The following SATB1 variants were observed in gnomAD, a reference collection of about 807,000 sequenced individuals.
The protein encoded by SATB1 is DNA-binding protein SATB1.
A neutral mutation model predicts 86.9 loss-of-function variants in SATB1; 11 were observed. That is an observed-to-expected ratio of 0.13 (90% CI 0.08 to 0.21). The LOEUF is 0.21. Ranked by LOEUF, SATB1 falls within the 10% of genes least tolerant of loss-of-function variation. The probability of loss-of-function intolerance (pLI) is 1.00; values close to 1 mark genes in which losing one functional copy is unlikely to be tolerated. For missense variants in SATB1, 551 were observed against 937.6 expected, an observed-to-expected ratio of 0.59 and a Z score of 5.39; for synonymous variants, 357 against 357.2, an observed-to-expected ratio of 1.00 and a Z score of 0.01.
upstream of SATB1, among the ~76,000 whole-genome samples, chr3:18,439,589 T>C (rs1401268609): frequency 6.6e-6 from 1 of 152,298 alleles, no homozygotes; most frequent in Non-Finnish European, 1.5e-5. Context: ...TAAATTACTA[T>C]AGTAGACACT....
At chr3:18,383,828 C>T (rs1002270905) in intron 8 of SATB1, among the ~76,000 whole-genome samples, 5 of 151,988 alleles carry the variant, frequency 3.3e-5, no homozygotes, top group Admixed American at 1.3e-4. Context: ...ACCTTTAATA[C>T]CTTAAGATTT....
At chr3:18,391,340 A>G (rs1219055875) in intron 7 of SATB1, among the ~76,000 whole-genome samples, 2 of 151,926 alleles carry the variant, frequency 1.3e-5, no homozygotes, top group African/African-American at 2.4e-5. Flanking sequence ...ATCTGACCCT[A>G]TCATGTAACT....
chr3:18,445,587 T>G (rs1382459509), exon 1 of SATB1: 1 of 956,284 alleles, frequency 1.0e-6, no homozygotes, highest in Non-Finnish European at 1.2e-6. Context: ...TGCTTGTTGT[T>G]TGGCTGGGTT....
chr3:18,423,353 A>G (rs1298699030), intron 1 of SATB1, among the ~76,000 whole-genome samples: 1 of 152,226 alleles, frequency 6.6e-6, no homozygotes, highest in Non-Finnish European at 1.5e-5. Context: ...CTTTAAAAGG[A>G]AAGAAAATCT....
At chr3:18,351,337 T>C (rs981052163) in intron 10 of SATB1, 33 of 1,551,696 alleles carry the variant, frequency 2.1e-5, no homozygotes, top group Non-Finnish European at 2.9e-5. Flanking sequence ...CGAGCCATGG[T>C]GCAGGGGTCG....
At chr3:18,409,849 C>T (rs1336467380) in intron 5 of SATB1, among the ~76,000 whole-genome samples, 1 of 152,014 alleles carries the variant, frequency 6.6e-6, no homozygotes, top group Non-Finnish European at 1.5e-5. Context: ...TAAAATGGAG[C>T]TGCTCGTAAA....
intron 5 of SATB1, chr3:18,409,029 C>T (rs934705436): frequency 6.6e-6 from 1 of 151,848 alleles, no homozygotes; most frequent in African/African-American, 2.4e-5. Flanking sequence ...GTAATTTTCC[C>T]TGCATTAGTG....
chr3:18,441,002 C>A (rs1257161574), upstream of SATB1, among the ~76,000 whole-genome samples: 1 of 152,174 alleles, frequency 6.6e-6, no homozygotes, highest in African/African-American at 2.4e-5. Context: ...AAGCACCTGG[C>A]ACCTTTAATA....
chr3:18,395,200 G>C (rs1317712820), intron 6 of SATB1, among the ~76,000 whole-genome samples: 1 of 152,128 alleles, frequency 6.6e-6, no homozygotes, highest in Non-Finnish European at 1.5e-5. Context: ...TTTCCAACTA[G>C]TTGTTCACTC....
chr3:18,440,745 C>T (rs1039660455), upstream of SATB1, among the ~76,000 whole-genome samples: 3 of 152,136 alleles, frequency 2.0e-5, no homozygotes, highest in Non-Finnish European at 2.9e-5. Flanking sequence ...TAACTTAACT[C>T]TGTTCTGTCA....
chr3:18,357,574 G>A (rs148618241), intron 9 of SATB1, among the ~76,000 whole-genome samples: 57 of 135,270 alleles, frequency 4.2e-4, no homozygotes, highest in African/African-American at 1.5e-3. Context: ...AAATAAAGCT[G>A]TCGGCACTCA....
chr3:18,391,278 T>C (rs930579022), intron 7 of SATB1, among the ~76,000 whole-genome samples: 2 of 152,176 alleles, frequency 1.3e-5, no homozygotes, highest in East Asian at 1.9e-4. Context: ...TTCATACAAG[T>C]GTTTTCTATC....
chr3:18,444,418 G>A lies in SATB1; in HGVS notation c.-25+1100C>T, dbSNP rs957147813. The stretch of plus-strand genomic sequence containing the variant: ...CTACCAGCCCACCCCTCCAAGGTCC[G>A]TCTGCGTGAGAAAAGGGGCTCGGAA... On this transcript the variant is annotated intron_variant, in intron 1 of 3. Transcript: ENST00000415069. The surrounding 1 kb of genome is among the most constrained non-coding windows in gnomAD (Gnocchi z 5.1). Among the ~76,000 whole-genome samples, 1 of 152,064 alleles carries A rather than the reference G, an allele frequency of 6.6e-6. No homozygotes were observed. Among genetic ancestry groups the A allele is most frequent in the Non-Finnish European group, 1.5e-5 (1 of 68,014 alleles).
At chr3:18,415,921 A>G in intron 4 of SATB1, 86 bp downstream of exon 4, 1 of 1,328,004 alleles carries the variant, frequency 7.5e-7, no homozygotes, top group Non-Finnish European at 1.0e-6. Flanking sequence ...CTAAAAAAAA[A>G]TTGAAGGTCG....
At chr3:18,390,024 G>C (rs1696568012) in intron 7 of SATB1, among the ~76,000 whole-genome samples, 1 of 151,934 alleles carries the variant, frequency 6.6e-6, no homozygotes, top group Non-Finnish European at 1.5e-5. Context: ...TCCTAAACCT[G>C]TTTTTACATT....
At chr3:18,370,383 C>G (rs1179369036) in intron 9 of SATB1, among the ~76,000 whole-genome samples, 1 of 151,862 alleles carries the variant, frequency 6.6e-6, no homozygotes. Context: ...TTAAATCAGA[C>G]TGCTTTATCA....
chr3:18,441,446 A>G (rs1455335559), upstream of SATB1, among the ~76,000 whole-genome samples: 2 of 152,186 alleles, frequency 1.3e-5, no homozygotes, highest in African/African-American at 4.8e-5. Context: ...GCATTCAACT[A>G]CATCATGTCT....
At chr3:18,393,450 T>C (rs1291668931) in intron 7 of SATB1, among the ~76,000 whole-genome samples, 1 of 152,196 alleles carries the variant, frequency 6.6e-6, no homozygotes, top group Non-Finnish European at 1.5e-5. Flanking sequence ...TCATTCACAG[T>C]TCAACAGAGT....
At chr3:18,413,826 A>G (rs1389069763) in intron 5 of SATB1, among the ~76,000 whole-genome samples, 1 of 152,100 alleles carries the variant, frequency 6.6e-6, no homozygotes, top group African/African-American at 2.4e-5. Flanking sequence ...AAAGCTATTA[A>G]TTATAAACAA....
Sources: gnomAD v4.1 joint callset for allele counts (sites outside exome capture counted in the v4.1 genomes callset) on GRCh38, gnomAD v4.1.1 for gene constraint, Gnocchi (gnomAD v3.1) non-coding constraint, MANE v1.5 for transcripts, NCBI Gene and HGNC (gene_info 2026-07-23, HGNC 2026-07-21) for gene names.